R3HCC1L: variants seen among roughly 807,000 people sequenced by gnomAD.
R3HCC1L encodes coiled-coil domain-containing protein R3HCC1L.
Under a neutral mutation model 59.9 loss-of-function variants are expected in R3HCC1L, and 51 were observed. The observed-to-expected ratio is 0.85, with a 90% CI of 0.68 to 1.07. R3HCC1L has a LOEUF of 1.07. R3HCC1L is among the 50% of genes least tolerant of loss of function. R3HCC1L has a pLI of 0.00. For synonymous variants in R3HCC1L, 322 were observed against 315.2 expected, an observed-to-expected ratio of 1.02 and a Z score of -0.23; for missense variants, 965 against 933.0, an observed-to-expected ratio of 1.03 and a Z score of -0.45.
intron 4 of R3HCC1L, 111 bp downstream of exon 4, chr10:98,163,508 T>G: frequency 1.5e-6 from 1 of 673,704 alleles, no homozygotes; most frequent in Non-Finnish European, 2.2e-6. Context: ...GTAACTGTCA[T>G]GTAAAACAAG....
chr10:98,143,354 A>G (rs1231253666), intron 1 of R3HCC1L, among the ~76,000 whole-genome samples: 3 of 152,196 alleles, frequency 2.0e-5, no homozygotes, highest in African/African-American at 7.2e-5. Flanking sequence ...TACGTTCAGA[A>G]TTTCTAGTGA....
chr10:98,181,697 T>C (rs1849641555), intron 4 of R3HCC1L, among the ~76,000 whole-genome samples: 1 of 152,230 alleles, frequency 6.6e-6, no homozygotes, highest in African/African-American at 2.4e-5. Context: ...CCATATTTCC[T>C]GGAGCCTTTG....
At chr10:98,197,876 A>ACT (rs1851614427) in intron 4 of R3HCC1L, among the ~76,000 whole-genome samples, 2 of 152,294 alleles carry the variant, frequency 1.3e-5, no homozygotes, top group African/African-American at 4.8e-5. Flanking sequence ...AGAAAAGGTA[A>ACT]CCTTTTCTAT....
intron 4 of R3HCC1L, among the ~76,000 whole-genome samples, chr10:98,202,176 G>A (rs958146141): frequency 6.6e-6 from 1 of 152,128 alleles, no homozygotes; most frequent in Non-Finnish European, 1.5e-5. Flanking sequence ...AATATGCAGG[G>A]ACCCCTCAAG....
chr10:98,147,617 T>A (rs1455316061), intron 1 of R3HCC1L, among the ~76,000 whole-genome samples: 2 of 152,170 alleles, frequency 1.3e-5, no homozygotes, highest in Admixed American at 6.5e-5. Flanking sequence ...AGTTTCATCA[T>A]TCTCAGTATA....
chr10:98,140,356 G>A (rs978842794), intron 1 of R3HCC1L, among the ~76,000 whole-genome samples: 1 of 152,120 alleles, frequency 6.6e-6, no homozygotes, highest in Non-Finnish European at 1.5e-5. Flanking sequence ...AAATGAGGTG[G>A]ATAACTGGGG....
intron 4 of R3HCC1L, among the ~76,000 whole-genome samples, chr10:98,197,609 T>C (rs894750218): frequency 2.6e-5 from 4 of 152,138 alleles, no homozygotes; most frequent in Non-Finnish European, 4.4e-5. Flanking sequence ...TTAATAAATA[T>C]TTGTGGAATG....
In R3HCC1L at chr10:98,200,983, T is replaced by C. The variant is rs115699833; in HGVS notation, c.-14-7118T>C. The stretch of plus-strand genomic sequence containing the variant: ...CAGTAACCTTGGTAACCCAATCATA[T>C]AACTCCCAGTACTGGGAGGGAAAAT... On this transcript the variant is annotated intron_variant, in intron 4 of 9. Coordinates refer to ENST00000298999, the MANE Select transcript of R3HCC1L (RefSeq NM_001351015.2). Among the ~76,000 whole-genome samples the C allele has an allele frequency of 2.8e-3, 426 of 152,284 alleles. 2 individuals carry two copies. Among genetic ancestry groups the C allele is most frequent in the Middle Eastern group, 0.01 (3 of 294 alleles).
At chr10:98,137,136 G>C (rs1844679609) in intron 1 of R3HCC1L, among the ~76,000 whole-genome samples, 1 of 151,480 alleles carries the variant, frequency 6.6e-6, no homozygotes, top group South Asian at 2.1e-4. Flanking sequence ...GCTTGAACTC[G>C]GGAGGCTGAG....
At chr10:98,187,730 C>CTTTTTTTT (rs755546581) in intron 4 of R3HCC1L, among the ~76,000 whole-genome samples, 1 of 95,162 alleles carries the variant, frequency 1.1e-5, no homozygotes, top group East Asian at 3.2e-4. Context: ...TGTAACAATT[C>CTTTTTTTT]TTTTTTTTTT....
intron 1 of R3HCC1L, among the ~76,000 whole-genome samples, chr10:98,141,977 A>G (rs1281784287): frequency 6.6e-6 from 1 of 152,170 alleles, no homozygotes; most frequent in Non-Finnish European, 1.5e-5. Flanking sequence ...ATAAAACAGT[A>G]TCACTTTTTA....
At chr10:98,150,423 C>G (rs1846029597) in intron 1 of R3HCC1L, among the ~76,000 whole-genome samples, 1 of 151,832 alleles carries the variant, frequency 6.6e-6, no homozygotes, top group African/African-American at 2.4e-5. Flanking sequence ...GCCTTGTTTT[C>G]TGTTTTTCAA....
intron 1 of R3HCC1L, among the ~76,000 whole-genome samples, chr10:98,138,599 A>G (rs1206380330): frequency 1.3e-5 from 2 of 152,198 alleles, no homozygotes; most frequent in African/African-American, 2.4e-5. Context: ...TTTGGAAGGT[A>G]TGCTAATTCT....
chr10:98,142,972 A>AC lies in R3HCC1L; in HGVS notation c.-268+8266_-268+8267insC, dbSNP rs550414171. On this transcript the variant is annotated intron_variant, in intron 1 of 9. Transcript: ENST00000298999. ...AACAAACAAAACAAAACAAAACAAA[A>AC]AAAAAACAGAAGAAGAAGAAATACT... Among the ~76,000 whole-genome samples the AC allele has an allele frequency of 2.8e-3, 424 of 152,102 alleles. 1 individual carries two copies. The highest frequency in any genetic ancestry group is 7.1e-3 in the African/African-American group (295 of 41,500).
At chr10:98,167,783 A>G (rs1247300090) in intron 4 of R3HCC1L, among the ~76,000 whole-genome samples, 1 of 152,212 alleles carries the variant, frequency 6.6e-6, no homozygotes, top group African/African-American at 2.4e-5. Context: ...TTCATCTGTA[A>G]AGTTGGGATA....
rs1208322265 is a variant in R3HCC1L, at chr10:98,208,848, T to C, written c.734T>C (p.Ile245Thr). The C allele has an allele frequency of 7.4e-6, 12 of 1,614,124 alleles. No individual in the cohort carries two copies. Among genetic ancestry groups the C allele is most frequent in the South Asian group, 3.3e-5 (3 of 91,086 alleles). Residue 245 changes from isoleucine to threonine, a missense_variant, in exon 5 of 10, where the codon ATT becomes ACT. By Grantham distance (89) the Ile-to-Thr change is moderately conservative. Transcript: ENST00000298999. ...ATAAAACTAAGCTCTGATTCTGAAATTGTACAACAAAGCATGCAAACATCA... is the reference window on the plus strand; with the variant it reads ...ATAAAACTAAGCTCTGATTCTGAAACTGTACAACAAAGCATGCAAACATCA... ...VPIKLSSDSE[I>T]VQQSMQTSDG...
chr10:98,149,168 A>G (rs1845923655), intron 1 of R3HCC1L, among the ~76,000 whole-genome samples: 1 of 152,166 alleles, frequency 6.6e-6, no homozygotes, highest in African/African-American at 2.4e-5. Context: ...TGTTAATAAT[A>G]GTCTCTAATG....
At chr10:98,162,659 C>CGT (rs1006113211) in intron 2 of R3HCC1L, among the ~76,000 whole-genome samples, 1 of 150,138 alleles carries the variant, frequency 6.7e-6, no homozygotes, top group Non-Finnish European at 1.5e-5. Context: ...AACATCTGTT[C>CGT]GTGTGTGTGT....
intron 4 of R3HCC1L, among the ~76,000 whole-genome samples, chr10:98,192,085 A>G (rs1024589948): frequency 6.6e-6 from 1 of 152,130 alleles, no homozygotes; most frequent in African/African-American, 2.4e-5. Context: ...TCAGCCTCCC[A>G]AAGTGCTGGG....
Sources: allele counts gnomAD v4.1 joint callset (sites outside exome capture counted in the v4.1 genomes callset), GRCh38; gene constraint gnomAD v4.1.1; transcripts MANE v1.5; gene names NCBI Gene and HGNC (gene_info 2026-07-23, HGNC 2026-07-21).